Variants in FAM53A observed in about 807,000 individuals in gnomAD.
FAM53A encodes the protein family with sequence similarity 53 member A.
Under a neutral mutation model 26.6 loss-of-function variants are expected in FAM53A, and 28 were observed. That is an observed-to-expected ratio of 1.05 (90% CI 0.78 to 1.45). The LOEUF (loss-of-function observed/expected upper bound fraction) is 1.45. Among genes scored for constraint, FAM53A ranks in the 40% most tolerant of loss-of-function variants. The pLI is 0.00. For missense variants in FAM53A, 650 were observed against 575.8 expected, an observed-to-expected ratio of 1.13 and a Z score of -1.32; for synonymous variants, 290 against 253.1, an observed-to-expected ratio of 1.15 and a Z score of -1.38.
the FAM53A span, among the ~76,000 whole-genome samples, chr4:1,593,145 C>CACCA: frequency 6.6e-6 from 1 of 152,204 alleles, no homozygotes; most frequent in Non-Finnish European, 1.5e-5. Context: ...GCCAGAGAGG[C>CACCA]ACCAGGTCCT....
chr4:1,650,646 C>T (rs929590449), intron 4 of FAM53A, among the ~76,000 whole-genome samples: 2 of 151,980 alleles, frequency 1.3e-5, no homozygotes, highest in African/African-American at 4.8e-5. Flanking sequence ...CAGGCGCCCA[C>T]CATCATGCCC....
At chr4:1,683,519 T>G (rs1187314257) in intron 1 of FAM53A, 1 of 152,392 alleles carries the variant, frequency 6.6e-6, no homozygotes, top group Non-Finnish European at 1.5e-5. Flanking sequence ...CTCACTCCCT[T>G]GGCACCAGCC....
rs115049905 is a variant in FAM53A at position 1,669,427 on chromosome 4, C to G, written c.-164-522G>C. ...CAGCAAGGGGCCGGCGGAGGAAGGG[C>G]GAGGGCTCAGGGGGTCTTTCAGGCT... On this transcript the variant is annotated intron_variant, in intron 1 of 4. Coordinates refer to ENST00000308132, the MANE Select transcript of FAM53A (RefSeq NM_001174070.3). Among the ~76,000 whole-genome samples the G allele has an allele frequency of 6.1e-3, 929 of 152,298 alleles. 11 individuals carry two copies. Among genetic ancestry groups the G allele is most frequent in the African/African-American group, 0.021 (873 of 41,568 alleles).
intron 1 of FAM53A, among the ~76,000 whole-genome samples, chr4:1,674,808 C>G (rs1212456104): frequency 6.6e-6 from 1 of 152,218 alleles, no homozygotes; most frequent in African/African-American, 2.4e-5. Flanking sequence ...GGCCCGTCTC[C>G]CCTTACAAGA....
At chr4:1,657,143 C>T (rs189064359) in intron 3 of FAM53A, among the ~76,000 whole-genome samples, 4 of 152,186 alleles carry the variant, frequency 2.6e-5, no homozygotes, top group Non-Finnish European at 4.4e-5. Context: ...CGCAGCAGAC[C>T]CCTGGGCCCC....
rs992445874 is a variant in FAM53A at position 1,629,155 on chromosome 4, C to A, written c.432-11044G>T. 3.9e-5 allele frequency among the ~76,000 whole-genome samples: 6 copies of A among 152,030 alleles called. No homozygotes were observed. In the East Asian group the frequency reaches 9.6e-4, roughly 24 times the overall value. On this transcript the variant is annotated intron_variant, in intron 1 of 1. Transcript: ENST00000489029. ...AGCTGGGAAGAGGAAGGAGCAGGGT[C>A]CCTGGGGCACTAGAGTGGGCCAGAC... is the stretch of plus-strand genomic sequence containing the variant.
the FAM53A span, among the ~76,000 whole-genome samples, chr4:1,604,876 G>C: frequency 1.3e-5 from 2 of 152,082 alleles, no homozygotes; most frequent in African/African-American, 4.8e-5. Context: ...CGCTCCCGCA[G>C]TGCTGTCTGC....
the FAM53A span, among the ~76,000 whole-genome samples, chr4:1,583,025 T>C: frequency 7.2e-5 from 11 of 152,338 alleles, no homozygotes; most frequent in African/African-American, 2.4e-4. Flanking sequence ...ACCTGGGTGA[T>C]AGGGCAAACT....
intron 4 of FAM53A, among the ~76,000 whole-genome samples, chr4:1,648,723 G>A (rs969673338): frequency 6.6e-6 from 1 of 152,204 alleles, no homozygotes; most frequent in Non-Finnish European, 1.5e-5. Context: ...GCAAATAAAC[G>A]AAAAGCTTTT....
At chr4:1,646,311 G>T (rs1712242722) in intron 4 of FAM53A, among the ~76,000 whole-genome samples, 1 of 152,158 alleles carries the variant, frequency 6.6e-6, no homozygotes, top group South Asian at 2.1e-4. Flanking sequence ...GTGTTAGCCA[G>T]GATGGTCTCG....
intron 1 of FAM53A, among the ~76,000 whole-genome samples, chr4:1,674,318 C>G (rs1456902213): frequency 6.6e-6 from 1 of 152,146 alleles, no homozygotes; most frequent in Non-Finnish European, 1.5e-5. Flanking sequence ...ATAAGGACAC[C>G]AATGATTGGG....
At chr4:1,644,268 C>T (rs928417031) in intron 4 of FAM53A, 13 of 1,535,906 alleles carry the variant, frequency 8.5e-6, no homozygotes, top group African/African-American at 2.7e-5. Context: ...ACTGACTGCT[C>T]GGACCCGACA....
chr4:1,616,380 G>C (rs1164081085), downstream of FAM53A, among the ~76,000 whole-genome samples: 3 of 152,160 alleles, frequency 2.0e-5, no homozygotes, highest in African/African-American at 7.2e-5. Context: ...GCCATCAAGA[G>C]GGGCCAAGCA....
Position 1,643,293 on chromosome 4 carries a change from C to T in FAM53A, c.883-1686G>A, listed in dbSNP as rs887105492. 9.4e-4 allele frequency among the ~76,000 whole-genome samples: 143 copies of T among 151,856 alleles called. 4 individuals are homozygous for T. Among genetic ancestry groups the T allele is most frequent in the Non-Finnish European group, 3.1e-4 (21 of 67,994 alleles). ...CATCCTGGCTAACACGGTGAAGCCC[C>T]GTCTCTACTAAAAATACAAAAAATT... is the stretch of plus-strand genomic sequence containing the variant. On this transcript the variant is annotated intron_variant, in intron 4 of 4. Transcript: ENST00000308132.
At chr4:1,610,692 A>C in the FAM53A span, among the ~76,000 whole-genome samples, 1 of 152,032 alleles carries the variant, frequency 6.6e-6, no homozygotes, top group East Asian at 1.9e-4. Flanking sequence ...TGGGCACCCC[A>C]GCTGGGCAGG....
intron 4 of FAM53A, among the ~76,000 whole-genome samples, chr4:1,642,487 TA>T (rs1450569022): frequency 4.6e-5 from 7 of 152,056 alleles, no homozygotes; most frequent in African/African-American, 1.7e-4. Flanking sequence ...CTGTTAGGAA[TA>T]GGGGGTCCCC....
intron 4 of FAM53A, among the ~76,000 whole-genome samples, chr4:1,650,266 G>T (rs535723134): frequency 1.4e-5 from 2 of 140,906 alleles, no homozygotes; most frequent in Admixed American, 1.4e-4. Flanking sequence ...TGGCAAAGGC[G>T]TGGCGTTTGA....
chr4:1,594,410 T>G, the FAM53A span, among the ~76,000 whole-genome samples: 1 of 152,098 alleles, frequency 6.6e-6, no homozygotes, highest in Non-Finnish European at 1.5e-5. Flanking sequence ...GAAAAAAGGA[T>G]GATAGAGGCA....
At chr4:1,606,115 T>G in the FAM53A span, among the ~76,000 whole-genome samples, 34 of 150,972 alleles carry the variant, frequency 2.3e-4, no homozygotes, top group African/African-American at 7.5e-4. Flanking sequence ...CTCAACTTAC[T>G]GCAAGCTCCG....
Sources: allele counts gnomAD v4.1 joint callset (sites outside exome capture counted in the v4.1 genomes callset), GRCh38; gene constraint gnomAD v4.1.1; transcripts MANE v1.5; gene names NCBI Gene and HGNC (gene_info 2026-07-23, HGNC 2026-07-21).